Variants in DYSF observed in about 807,000 individuals in gnomAD.
The protein encoded by DYSF is dysferlin.
DYSF carries 212 observed loss-of-function variants against 274.9 expected under a neutral mutation model. That is an observed-to-expected ratio of 0.77 (90% CI 0.69 to 0.86). DYSF has a LOEUF of 0.86. Among genes scored for constraint, DYSF ranks in the 40% least tolerant of loss-of-function variants. DYSF has a pLI of 0.00. For missense variants in DYSF, 2,666 were observed against 2,783.2 expected (o/e 0.96, Z 0.95); for synonymous variants, 1,091 against 1,078.7 (o/e 1.01, Z -0.22).
chr2:71,674,395 A>G, intron 52 of DYSF, 99 bp downstream of exon 52: 2 of 1,169,208 alleles, frequency 1.7e-6, no homozygotes, highest in Non-Finnish European at 2.5e-6. Context: ...GAAGCCTAGC[A>G]GGAGGAGTGA....
chr2:71,525,983 G>A (rs574484285), intron 12 of DYSF, among the ~76,000 whole-genome samples: 77 of 152,326 alleles, frequency 5.1e-4, no homozygotes, highest in Non-Finnish European at 9.6e-4. Context: ...ATCATTACTG[G>A]AGATGTTCCT....
rs143492991 is a variant in DYSF, at chr2:71,562,814, T to G, written c.2409+870T>G. ...CACAGGCTGGTTCCCTGGTGGACACTGTGTCGCTCAGCTGTGGACCAACTC... is the reference window on the plus strand; with the variant it reads ...CACAGGCTGGTTCCCTGGTGGACACGGTGTCGCTCAGCTGTGGACCAACTC... On this transcript the variant is annotated intron_variant, in intron 23 of 55. Coordinates refer to ENST00000410020, the MANE Select transcript of DYSF (RefSeq NM_001130987.2). 5.7e-3 allele frequency among the ~76,000 whole-genome samples: 864 copies of G among 152,246 alleles called. 6 individuals are homozygous for G. The highest frequency in any genetic ancestry group is 0.019 in the African/African-American group (808 of 41,528).
At chr2:71,515,473 C>T (rs1489631703) in intron 7 of DYSF, 150 bp from the exon 8 acceptor site, 14 of 1,143,934 alleles carry the variant, frequency 1.2e-5, no homozygotes, top group Non-Finnish European at 1.5e-5. Flanking sequence ...TATGATAGTT[C>T]GTATAATGCT....
intron 12 of DYSF, among the ~76,000 whole-genome samples, chr2:71,523,543 CTT>C (rs10718722): frequency 0.031 from 3,007 of 96,460 alleles, 56 homozygotes; most frequent in African/African-American, 0.089. Flanking sequence ...CACCAGTCAT[CTT>C]TTTTTTTTTT....
At chr2:71,561,339 G>A (rs1453637607) in intron 22 of DYSF, among the ~76,000 whole-genome samples, 1 of 152,196 alleles carries the variant, frequency 6.6e-6, no homozygotes, top group Non-Finnish European at 1.5e-5. Context: ...TTGTTTCAGT[G>A]CAGGGCACTC....
rs2152972125 is a variant in DYSF at position 71,682,655 on chromosome 2, C to A, written c.6299C>A (p.Ala2100Asp). Residue 2100 changes from alanine (A) to aspartate (D), a missense_variant, in exon 55 of 56, where the codon GCC becomes GAC. By Grantham distance (126) the Ala-to-Asp change is moderately radical. This residue lies in a region of DYSF where 1,460 missense variants were observed against 1,502.1 expected (regional missense o/e 0.97). Coordinates refer to ENST00000410020, the MANE Select transcript of DYSF (RefSeq NM_001130987.2). ...CTCTTCATCCTGCTGCTGTTCCTGG[C>A]CATCTTCATCTACGCCTTCCCGGTG... Reference protein sequence around the residue: ...IILFILLLFLAIFIYAFPNYA... With the variant: ...IILFILLLFLDIFIYAFPNYA... The A allele has an allele frequency of 6.2e-7, 1 of 1,614,126 alleles. No homozygotes were observed. Among genetic ancestry groups the A allele is most frequent in the Non-Finnish European group, 8.5e-7 (1 of 1,180,008 alleles).
chr2:71,510,564 G>T (rs572884874), intron 4 of DYSF, among the ~76,000 whole-genome samples: 21 of 152,192 alleles, frequency 1.4e-4, no homozygotes, highest in Non-Finnish European at 2.6e-4. Context: ...CACCAGTGCT[G>T]CTCTCCTTAG....
chr2:71,644,187 G>A (rs1301177953), intron 42 of DYSF, 124 bp downstream of exon 42: 2 of 882,638 alleles, frequency 2.3e-6, no homozygotes, highest in Non-Finnish European at 3.7e-6. Flanking sequence ...GTGTCTGAGG[G>A]TGATGAATGC....
chr2:71,594,063 C>T (rs2093344309), intron 32 of DYSF, among the ~76,000 whole-genome samples: 2 of 152,154 alleles, frequency 1.3e-5, no homozygotes, highest in South Asian at 4.1e-4. Flanking sequence ...GTAGGTGATC[C>T]TATGGGATGG....
At chr2:71,570,487 C>T (rs953355099) in intron 28 of DYSF, 112 bp from the exon 29 acceptor site, 16 of 1,500,760 alleles carry the variant, frequency 1.1e-5, no homozygotes, top group African/African-American at 6.9e-5. Context: ...AAATTAGGAC[C>T]GAGAGTCAGT....
chr2:71,525,217 T>C (rs1457108928), intron 12 of DYSF, among the ~76,000 whole-genome samples: 2 of 152,114 alleles, frequency 1.3e-5, no homozygotes, highest in East Asian at 1.9e-4. Context: ...TTTCTTTTCC[T>C]TTTTTGTTTT....
intron 30 of DYSF, among the ~76,000 whole-genome samples, chr2:71,583,176 A>G (rs1205238618): frequency 1.3e-5 from 2 of 152,208 alleles, no homozygotes; most frequent in Non-Finnish European, 2.9e-5. Context: ...GTGTTTAACA[A>G]CTGGCTTGCA....
rs562421698 is a variant in DYSF, at chr2:71,496,894, G to A, written c.240-6320G>A. On this transcript the variant is annotated intron_variant, in intron 3 of 55. Transcript: ENST00000410020. ...GATTAAGCAAACCAATGACCTTTCT[G>A]TTTCTTTCATGATGCACTCATGGGC... Among the ~76,000 whole-genome samples, 2 of 152,332 alleles carry A rather than the reference G, an allele frequency of 1.3e-5. 1 individual carries two copies. Among genetic ancestry groups the A allele is most frequent in the Non-Finnish European group, 2.9e-5 (2 of 68,018 alleles).
chr2:71,624,659 TA>T (rs1054777969), intron 41 of DYSF, among the ~76,000 whole-genome samples: 42 of 152,008 alleles, frequency 2.8e-4, no homozygotes, highest in African/African-American at 1.0e-3. Context: ...AACCTAAATT[TA>T]AAAAAAATGA....
intron 24 of DYSF, among the ~76,000 whole-genome samples, chr2:71,567,041 T>C (rs2092151094): frequency 6.6e-6 from 1 of 152,222 alleles, no homozygotes. Context: ...ACACTAGGCC[T>C]GGGTACTTAA....
intron 3 of DYSF, among the ~76,000 whole-genome samples, chr2:71,502,445 T>C (rs995557589): frequency 5.9e-5 from 9 of 152,036 alleles, no homozygotes; most frequent in Admixed American, 5.2e-4. Context: ...GGCGACAGGT[T>C]CCTACAGTCA....
intron 1 of DYSF, among the ~76,000 whole-genome samples, chr2:71,471,039 ACCCACC>A (rs2081999202): frequency 6.6e-6 from 1 of 151,744 alleles, no homozygotes; most frequent in South Asian, 2.1e-4. Flanking sequence ...CAGTCAATCC[ACCCACC>A]TTGGCCTCCC....
chr2:71,477,075 C>A (rs910004086), intron 1 of DYSF, among the ~76,000 whole-genome samples: 1 of 151,992 alleles, frequency 6.6e-6, no homozygotes, highest in African/African-American at 2.4e-5. Flanking sequence ...GTTACTCCCC[C>A]AAAACTCTGG....
chr2:71,618,232 G>A (rs2093964187), intron 40 of DYSF, among the ~76,000 whole-genome samples: 1 of 129,916 alleles, frequency 7.7e-6, no homozygotes, highest in Non-Finnish European at 1.6e-5. Flanking sequence ...TAGAGGTGGG[G>A]TGTGTGTGTG....
Sources: gnomAD v4.1 joint callset for allele counts (sites outside exome capture counted in the v4.1 genomes callset) on GRCh38, gnomAD v4.1.1 for gene constraint, gnomAD v4.1.1 regional missense constraint, MANE v1.5 for transcripts, NCBI Gene and HGNC (gene_info 2026-07-23, HGNC 2026-07-21) for gene names.